Variants in CTNNBL1 observed in about 807,000 individuals in gnomAD.
The protein encoded by CTNNBL1 is beta-catenin-like protein 1.
A neutral mutation model predicts 72.7 loss-of-function variants in CTNNBL1; 31 were observed. The observed-to-expected ratio is 0.43, with a 90% CI of 0.32 to 0.58. The LOEUF is 0.58. CTNNBL1 is among the 20% of genes least tolerant of loss of function. The pLI is 0.08. For missense variants in CTNNBL1, 534 were observed against 725.1 expected (o/e 0.74, Z 3.03); for synonymous variants, 240 against 267.3 (o/e 0.90, Z 1.00).
intron 1 of CTNNBL1, among the ~76,000 whole-genome samples, chr20:37,732,081 G>A (rs137995893): frequency 4.3e-4 from 66 of 152,248 alleles, no homozygotes; most frequent in African/African-American, 1.6e-3. Context: ...TTTATCTTCT[G>A]TCTTTTTCAT....
intron 13 of CTNNBL1, among the ~76,000 whole-genome samples, chr20:37,853,077 G>C (rs1280401247): frequency 6.6e-6 from 1 of 152,206 alleles, no homozygotes; most frequent in Non-Finnish European, 1.5e-5. Flanking sequence ...AAGGAGGCAA[G>C]GGGAAGCTGG....
In CTNNBL1 at chr20:37,815,076, AGT is replaced by A. The variant is rs11474436; in HGVS notation, c.1213+12057_1213+12058del. Among the ~76,000 whole-genome samples the A allele has an allele frequency of 2.4e-3, 347 of 147,354 alleles. 1 individual carries two copies. The highest frequency in any genetic ancestry group is 6.7e-3 in the African/African-American group (266 of 39,712). ...CAAACACTATGTTAGGGACTCTGTG[AGT>A]GTGTGTGTGTGTGTGTGTGTGTGTG... is the stretch of plus-strand genomic sequence containing the variant. On this transcript the variant is annotated intron_variant, in intron 11 of 15. Transcript: ENST00000361383.
At chr20:37,707,099 T>C (rs938322700) in intron 1 of CTNNBL1, among the ~76,000 whole-genome samples, 1 of 152,230 alleles carries the variant, frequency 6.6e-6, no homozygotes, top group Non-Finnish European at 1.5e-5. Flanking sequence ...CCAGGCTTTG[T>C]TATTCCATTT....
chr20:37,825,470 T>A lies in CTNNBL1; in HGVS notation c.1214-14632T>A, dbSNP rs558508264. On this transcript the variant is annotated intron_variant, in intron 11 of 15. Transcript: ENST00000361383. ...TAGGTGAATCACTTGAAGTCAGGAGTTCAAGACAAGCCTGCCCAACGTGGT... is the reference window on the plus strand; with the variant it reads ...TAGGTGAATCACTTGAAGTCAGGAGATCAAGACAAGCCTGCCCAACGTGGT... 3.6e-4 allele frequency among the ~76,000 whole-genome samples: 53 copies of A among 149,142 alleles called. No homozygotes were observed. The South Asian group carries it at 0.011, about 30-fold the overall frequency.
chr20:37,746,324 G>A, intron 3 of CTNNBL1, 144 bp from the exon 4 acceptor site: 3 of 777,194 alleles, frequency 3.9e-6, no homozygotes, highest in African/African-American at 1.7e-5. Context: ...TTGTGTGACA[G>A]TATGATGTTT....
At chr20:37,748,576 C>G (rs2073289143) in intron 4 of CTNNBL1, among the ~76,000 whole-genome samples, 1 of 152,166 alleles carries the variant, frequency 6.6e-6, no homozygotes, top group African/African-American at 2.4e-5. Context: ...TGGGTATTGT[C>G]TTGGTCTATT....
At chr20:37,865,941 A>G (rs1225252797) in intron 15 of CTNNBL1, among the ~76,000 whole-genome samples, 1 of 152,260 alleles carries the variant, frequency 6.6e-6, no homozygotes, top group Non-Finnish European at 1.5e-5. Flanking sequence ...ATCTCCTCCT[A>G]GTAGCTCATA....
At chr20:37,838,752 T>C (rs2072276287) in intron 11 of CTNNBL1, among the ~76,000 whole-genome samples, 1 of 152,052 alleles carries the variant, frequency 6.6e-6, no homozygotes, top group African/African-American at 2.4e-5. Context: ...CCAGACATGG[T>C]GTTGTGCACC....
At chr20:37,809,230 A>AAGAC (rs1344800197) in intron 11 of CTNNBL1, among the ~76,000 whole-genome samples, 2 of 152,208 alleles carry the variant, frequency 1.3e-5, no homozygotes, top group African/African-American at 4.8e-5. Context: ...TACAATTACA[A>AAGAC]AGACATACTA....
At position 37,868,864 on chromosome 20, in the gene CTNNBL1, T is replaced by G. The variant is rs544593483; in HGVS notation, c.1604-3061T>G. On this transcript the variant is annotated intron_variant, in intron 15 of 15. Coordinates refer to ENST00000361383, the MANE Select transcript of CTNNBL1 (RefSeq NM_030877.5). Reference sequence around the variant, plus strand: ...CTCTCTCCTGGGTCTGAGAAGACATTAGGAGAGCAAAGTGTTAGCTCAATC... The same window carrying G: ...CTCTCTCCTGGGTCTGAGAAGACATGAGGAGAGCAAAGTGTTAGCTCAATC... 1.6e-4 allele frequency among the ~76,000 whole-genome samples: 24 copies of G among 152,290 alleles called. No individual in the cohort carries two copies. In the East Asian group the frequency reaches 4.6e-3, roughly 29 times the overall value.
intron 15 of CTNNBL1, among the ~76,000 whole-genome samples, chr20:37,863,416 G>A (rs967660446): frequency 4.6e-5 from 7 of 152,186 alleles, no homozygotes; most frequent in Non-Finnish European, 8.8e-5. Context: ...TAATTAGAAC[G>A]TGCTAAGCAC....
At chr20:37,767,860 G>A in intron 6 of CTNNBL1, 93 bp from the exon 7 acceptor site, 3 of 946,674 alleles carry the variant, frequency 3.2e-6, no homozygotes, top group Non-Finnish European at 5.2e-6. Context: ...AGGGAAGTGG[G>A]GAGAGGAATA....
At chr20:37,730,538 AGTT>A (rs2073119918) in intron 1 of CTNNBL1, among the ~76,000 whole-genome samples, 1 of 152,240 alleles carries the variant, frequency 6.6e-6, no homozygotes, top group Non-Finnish European at 1.5e-5. Flanking sequence ...ACCAGGAGTA[AGTT>A]GAGCTGAATG....
chr20:37,836,197 A>G (rs1053817461), intron 11 of CTNNBL1, among the ~76,000 whole-genome samples: 1 of 152,244 alleles, frequency 6.6e-6, no homozygotes, highest in Non-Finnish European at 1.5e-5. Context: ...AAGAAGGAAC[A>G]TTGATAAGGA....
chr20:37,857,730 G>A (rs898251910), intron 13 of CTNNBL1, among the ~76,000 whole-genome samples: 1 of 152,176 alleles, frequency 6.6e-6, no homozygotes, highest in Non-Finnish European at 1.5e-5. Context: ...AGTGACAGGA[G>A]CCCAAGTTGT....
intron 1 of CTNNBL1, 76 bp from the exon 2 acceptor site, chr20:37,732,803 G>T: frequency 1.4e-6 from 2 of 1,417,266 alleles, no homozygotes; most frequent in South Asian, 2.7e-5. Flanking sequence ...AAAGTGCTGG[G>T]ATTATAGGCA....
At chr20:37,865,705 A>T (rs2072531484) in intron 15 of CTNNBL1, among the ~76,000 whole-genome samples, 1 of 152,226 alleles carries the variant, frequency 6.6e-6, no homozygotes, top group African/African-American at 2.4e-5. Flanking sequence ...GCCACTGGCC[A>T]GTCTTATCGA....
intron 7 of CTNNBL1, among the ~76,000 whole-genome samples, chr20:37,775,369 A>G (rs1386772944): frequency 6.6e-6 from 1 of 152,204 alleles, no homozygotes; most frequent in Non-Finnish European, 1.5e-5. Flanking sequence ...ACGCAGCTCC[A>G]CAAAGATATG....
At chr20:37,855,365 T>C (rs2072430850) in intron 13 of CTNNBL1, among the ~76,000 whole-genome samples, 1 of 152,194 alleles carries the variant, frequency 6.6e-6, no homozygotes, top group Non-Finnish European at 1.5e-5. Context: ...CAGCACTCAG[T>C]ACAGTTTGAA....
Sources: allele counts gnomAD v4.1 joint callset (sites outside exome capture counted in the v4.1 genomes callset), GRCh38; gene constraint gnomAD v4.1.1; transcripts MANE v1.5; gene names NCBI Gene and HGNC (gene_info 2026-07-23, HGNC 2026-07-21).